Variants in NFIA observed in about 807,000 individuals in gnomAD.
NFIA encodes nuclear factor 1 A-type.
Under a neutral mutation model 62.8 loss-of-function variants are expected in NFIA, and 8 were observed. That is an observed-to-expected ratio of 0.13 (90% CI 0.07 to 0.23). NFIA has a LOEUF of 0.23. Among genes scored for constraint, NFIA ranks in the 10% least tolerant of loss-of-function variants. The pLI is 1.00. For synonymous variants in NFIA, 235 were observed against 238.1 expected, an observed-to-expected ratio of 0.99 and a Z score of 0.12; for missense variants, 410 against 642.1, an observed-to-expected ratio of 0.64 and a Z score of 3.91.
At chr1:61,305,576 G>A (rs1659724204) in intron 3 of NFIA, among the ~76,000 whole-genome samples, 3 of 152,188 alleles carry the variant, frequency 2.0e-5, no homozygotes, top group African/African-American at 7.2e-5. Context: ...CAGATAAACT[G>A]AGAGCCTAGA....
intron 2 of NFIA, among the ~76,000 whole-genome samples, chr1:61,116,042 T>C (rs1287997449): frequency 2.6e-5 from 4 of 151,062 alleles, no homozygotes; most frequent in African/African-American, 9.7e-5. Flanking sequence ...TGCCTTGTTT[T>C]GAGGAGTCCC....
chr1:61,104,319 T>C (rs1646559494), intron 2 of NFIA, among the ~76,000 whole-genome samples: 1 of 152,090 alleles, frequency 6.6e-6, no homozygotes, highest in Admixed American at 6.6e-5. Context: ...TCCTCACTTA[T>C]CAGGGTGTTT....
intron 2 of NFIA, among the ~76,000 whole-genome samples, chr1:61,134,861 G>T (rs906524140): frequency 6.6e-6 from 1 of 152,098 alleles, no homozygotes; most frequent in East Asian, 1.9e-4. Context: ...TTAAACAAGT[G>T]TATATATGCA....
intron 2 of NFIA, among the ~76,000 whole-genome samples, chr1:61,200,401 G>C (rs931271079): frequency 6.6e-6 from 1 of 151,634 alleles, no homozygotes; most frequent in African/African-American, 2.4e-5. Context: ...CACATTTTTA[G>C]ACTTCACACA....
chr1:61,452,390 C>G (rs1668096870), intron 10 of NFIA, among the ~76,000 whole-genome samples: 1 of 152,082 alleles, frequency 6.6e-6, no homozygotes, highest in African/African-American at 2.4e-5. Flanking sequence ...AAACCTTGGT[C>G]AAGTAGCTGG....
intron 1 of NFIA, among the ~76,000 whole-genome samples, chr1:61,087,005 CAG>C (rs1377361021): frequency 3.3e-5 from 5 of 152,064 alleles, no homozygotes; most frequent in Non-Finnish European, 7.4e-5. Context: ...AGTTATGTAA[CAG>C]TGTGGATTAG....
chr1:61,268,676 C>T (rs901617301), intron 2 of NFIA, among the ~76,000 whole-genome samples: 5 of 152,124 alleles, frequency 3.3e-5, no homozygotes, highest in African/African-American at 1.2e-4. Context: ...ATCCAGTTTG[C>T]TGAGGGGTGA....
At chr1:61,195,842 G>C (rs1324122159) in intron 2 of NFIA, among the ~76,000 whole-genome samples, 1 of 152,054 alleles carries the variant, frequency 6.6e-6, no homozygotes, top group Non-Finnish European at 1.5e-5. Flanking sequence ...TATTAACTTA[G>C]TTCTTGTGTG....
At chr1:61,123,723 T>C (rs543260380) in intron 2 of NFIA, among the ~76,000 whole-genome samples, 2 of 152,184 alleles carry the variant, frequency 1.3e-5, no homozygotes, top group Non-Finnish European at 2.9e-5. Context: ...CTTAATGATA[T>C]ATTTCAGAAC....
intron 2 of NFIA, among the ~76,000 whole-genome samples, chr1:61,149,084 A>G (rs1345893625): frequency 7.4e-6 from 1 of 135,532 alleles, no homozygotes; most frequent in Non-Finnish European, 1.6e-5. Context: ...TGGATGAGAT[A>G]TGGGTCTAAT....
rs1668481054 is a variant in NFIA, at chr1:61,460,321, G to A, written c.*5001G>A. 1 of 152,196 alleles carries A rather than the reference G, an allele frequency of 6.6e-6. No homozygotes were observed. The highest frequency in any genetic ancestry group is 1.5e-5 in the Non-Finnish European group (1 of 68,040). 9.4% of individuals were successfully genotyped at this position (152,196 alleles called of 1,614,324 possible). On this transcript the variant is annotated 3_prime_UTR_variant, in exon 11 of 11. Transcript: ENST00000403491. The stretch of plus-strand genomic sequence containing the variant: ...TGAAAATTGCTTTGATATATAGCAG[G>A]TAACATTGAAGCTATTCCATAGCAC...
intron 4 of NFIA, among the ~76,000 whole-genome samples, chr1:61,342,872 T>G (rs1164062992): frequency 6.6e-6 from 1 of 152,248 alleles, no homozygotes; most frequent in Non-Finnish European, 1.5e-5. Flanking sequence ...TGCATGATCT[T>G]GACCATGTTA....
At chr1:61,428,852 T>C (rs2100557319) in intron 10 of NFIA, among the ~76,000 whole-genome samples, 1 of 152,302 alleles carries the variant, frequency 6.6e-6, no homozygotes, top group East Asian at 1.9e-4. Flanking sequence ...ATGACATTTA[T>C]ATTAATTGAA....
chr1:61,096,147 A>C (rs974228518), intron 2 of NFIA, among the ~76,000 whole-genome samples: 2 of 152,162 alleles, frequency 1.3e-5, no homozygotes, highest in African/African-American at 4.8e-5. Flanking sequence ...TTAAAATAGG[A>C]AAAAAATTGA....
At chr1:61,174,688 G>A (rs1443442769) in intron 2 of NFIA, among the ~76,000 whole-genome samples, 3 of 152,160 alleles carry the variant, frequency 2.0e-5, no homozygotes, top group African/African-American at 7.2e-5. Context: ...GATGTGGAAG[G>A]GCAAATTGTT....
At chr1:61,181,185 C>G (rs1382110377) in intron 2 of NFIA, among the ~76,000 whole-genome samples, 1 of 152,188 alleles carries the variant, frequency 6.6e-6, no homozygotes, top group Non-Finnish European at 1.5e-5. Flanking sequence ...CAGATGGAGT[C>G]CTGTACCTGC....
At chr1:61,352,653 A>G (rs541583661) in intron 5 of NFIA, 86 bp downstream of exon 5, 17 of 1,035,172 alleles carry the variant, frequency 1.6e-5, no homozygotes, top group Middle Eastern at 2.0e-4. Context: ...GGATTTAGCA[A>G]TGCGCCTTTA....
intron 2 of NFIA, among the ~76,000 whole-genome samples, chr1:61,168,905 G>T (rs1457236660): frequency 1.3e-5 from 2 of 152,064 alleles, no homozygotes; most frequent in African/African-American, 4.8e-5. Flanking sequence ...CTTATGGAAG[G>T]CCCTAAGTTT....
chr1:61,144,536 G>C (rs1427029937), intron 2 of NFIA, among the ~76,000 whole-genome samples: 1 of 152,164 alleles, frequency 6.6e-6, no homozygotes, highest in Non-Finnish European at 1.5e-5. Flanking sequence ...TGTGGGCCCT[G>C]GAGTTACATG....
Sources: allele counts gnomAD v4.1 joint callset (sites outside exome capture counted in the v4.1 genomes callset), GRCh38; gene constraint gnomAD v4.1.1; transcripts MANE v1.5; gene names NCBI Gene and HGNC (gene_info 2026-07-23, HGNC 2026-07-21).